The following RUNX3 variants were observed in gnomAD, a reference collection of about 807,000 sequenced individuals.
The protein encoded by RUNX3 is runt-related transcription factor 3.
A neutral mutation model predicts 27.7 loss-of-function variants in RUNX3; 10 were observed. The observed-to-expected ratio is 0.36, with a 90% confidence interval of 0.22 to 0.61. The LOEUF is 0.61. Among genes scored for constraint, RUNX3 ranks in the 20% least tolerant of loss-of-function variants. The probability of loss-of-function intolerance (pLI) is 0.72; values close to 1 mark genes in which losing one functional copy is unlikely to be tolerated. For synonymous variants in RUNX3, 270 were observed against 269.2 expected, an observed-to-expected ratio of 1.00 and a Z score of -0.03; for missense variants, 469 against 629.5, an observed-to-expected ratio of 0.75 and a Z score of 2.73.
At chr1:24,922,684 TC>T (rs1641021788) in intron 2 of RUNX3, among the ~76,000 whole-genome samples, 1 of 151,954 alleles carries the variant, frequency 6.6e-6, no homozygotes, top group Non-Finnish European at 1.5e-5. Context: ...AGAAATGGTT[TC>T]TATTGTAATA....
Position 24,927,861 on chromosome 1 carries a change from G to A in RUNX3, c.283-131C>T, listed in dbSNP as rs1641129876. ...GCACACTGAGTATTTCTCCAATGCA[G>A]GGTGGAGAAGAGGCTTAAAAACAAT... On this transcript the variant is annotated intron_variant, in intron 1 of 4. Transcript: ENST00000308873. This position sits in a 1 kb window ranked among gnomAD's most constrained non-coding sequence, Gnocchi z 5.0. The A allele has an allele frequency of 2.8e-5, 20 of 726,092 alleles. No homozygotes were observed. The South Asian group carries it at 3.7e-4, about 13-fold the overall frequency. The allele number at this position is 726,092 out of a possible 1,614,324, so 45.0% of individuals were successfully genotyped here. A position where few individuals can be genotyped will look rare whatever the true frequency, so the allele number is the denominator to read the frequency against.
intron 2 of RUNX3, among the ~76,000 whole-genome samples, chr1:24,961,166 G>A (rs1047358435): frequency 3.3e-5 from 5 of 152,058 alleles, no homozygotes; most frequent in Non-Finnish European, 7.4e-5. Flanking sequence ...GAGAGGGGAG[G>A]GCTGGGTGGG....
At chr1:24,954,089 C>T (rs1254484480) in intron 2 of RUNX3, among the ~76,000 whole-genome samples, 1 of 152,206 alleles carries the variant, frequency 6.6e-6, no homozygotes, top group South Asian at 2.1e-4. Context: ...TATTGATATT[C>T]TTGTTGAGGT....
In RUNX3 at chr1:24,908,189, G is replaced by A. The variant is rs962521739; in HGVS notation, c.545-772C>T. On this transcript the variant is annotated intron_variant, in intron 3 of 4. Transcript: ENST00000308873. The stretch of plus-strand genomic sequence containing the variant: ...GCGGTGATCCGAAGCTCTACGACAC[G>A]CGGTGATCCGAACCTCTACGACACG... 1.5e-4 allele frequency among the ~76,000 whole-genome samples: 21 copies of A among 140,466 alleles called. 1 individual carries two copies. The highest frequency in any genetic ancestry group is 5.7e-5 in the African/African-American group (2 of 35,266). The allele number at this position is 140,466 out of a possible 152,430, so 92.2% of individuals were successfully genotyped here.
intron 2 of RUNX3, among the ~76,000 whole-genome samples, chr1:24,951,215 A>AAAAAT (rs1553207416): frequency 2.0e-5 from 3 of 150,760 alleles, no homozygotes; most frequent in African/African-American, 7.3e-5. Context: ...AAAAAAAAAA[A>AAAAAT]AAAAAAAATA....
rs1284055403 is a variant in RUNX3 at position 24,916,190 on chromosome 1, A to G, written c.544+3050T>C. On this transcript the variant is annotated intron_variant, in intron 3 of 4. Transcript: ENST00000308873. The surrounding 1 kb of genome is among the most constrained non-coding windows in gnomAD (Gnocchi z 4.8). ...AGAGGGTCGGAGGTGGCAAAACAGG[A>G]AAAAAGCCGGGAAAGGAAGTCCAGG... Among the ~76,000 whole-genome samples, 1 of 152,222 alleles carries G rather than the reference A, an allele frequency of 6.6e-6. No individual in the cohort carries two copies. The highest frequency in any genetic ancestry group is 6.5e-5 in the Admixed American group (1 of 15,286).
At position 24,904,220 on chromosome 1, in the gene RUNX3, G is replaced by A. The variant is rs1557835208; in HGVS notation, c.704-1554C>T. On this transcript the variant is annotated intron_variant, in intron 4 of 4. Transcript: ENST00000308873. The surrounding 1 kb of genome is among the most constrained non-coding windows in gnomAD (Gnocchi z 5.7). The stretch of plus-strand genomic sequence containing the variant: ...CGGAGTGGGCTCTGCCTGCCACGCC[G>A]AGGCTTGGCTGAGGACGGAGAGCTA... Among the ~76,000 whole-genome samples the A allele has an allele frequency of 6.6e-6, 1 of 152,198 alleles. No individual in the cohort carries two copies. The highest frequency in any genetic ancestry group is 1.5e-5 in the Non-Finnish European group (1 of 68,032).
intron 2 of RUNX3, among the ~76,000 whole-genome samples, chr1:24,926,012 T>G (rs910721153): frequency 3.3e-5 from 5 of 152,182 alleles, no homozygotes; most frequent in Non-Finnish European, 5.9e-5. Context: ...GTCTCTTCTC[T>G]TTCTCTCGCT....
intron 2 of RUNX3, among the ~76,000 whole-genome samples, chr1:24,921,453 G>A (rs534932682): frequency 3.9e-5 from 6 of 152,284 alleles, no homozygotes; most frequent in Admixed American, 1.3e-4. Flanking sequence ...TAAGCCAGTC[G>A]GCTGAGGCAG....
chr1:24,929,002 G>C lies in RUNX3; in HGVS notation c.282+585C>G, dbSNP rs765088869. The stretch of plus-strand genomic sequence containing the variant: ...AGAAAAAGGTCCTCTAAATGGCTGG[G>C]GGCTGCCAGGGTTAGGGGTCCCCCA... On this transcript the variant is annotated intron_variant, in intron 1 of 4. Coordinates refer to ENST00000308873, the MANE Select transcript of RUNX3 (RefSeq NM_004350.3). The C allele has an allele frequency of 8.1e-4, 370 of 456,576 alleles. 2 individuals carry two copies. Among genetic ancestry groups the C allele is most frequent in the Admixed American group, 9.2e-4 (39 of 42,520 alleles). The allele number at this position is 456,576 out of a possible 1,614,324, so 28.3% of individuals were successfully genotyped here. A position where few individuals can be genotyped will look rare whatever the true frequency, so the allele number is the denominator to read the frequency against.
At position 24,919,272 on chromosome 1, in the gene RUNX3, T is replaced by C; in HGVS notation, c.512A>G (p.Lys171Arg). The C allele has an allele frequency of 6.2e-7, 1 of 1,602,352 alleles. No homozygotes were observed. Among genetic ancestry groups the C allele is most frequent in the Non-Finnish European group, 8.5e-7 (1 of 1,175,262 alleles). Residue 171 changes from lysine to arginine, a missense_variant, in exon 3 of 5, where the codon AAG becomes AGG. Around this residue, in one of 3 missense-constraint regions of RUNX3, gnomAD observed 75 missense variants for 168.5 expected, o/e 0.45. Transcript: ENST00000308873. ...CTCCCGGGGTCCGTCCACGGTCACCTTGATGGCTCGGTGGTAGGTCGCCAC... is the reference window on the plus strand; with the variant it reads ...CTCCCGGGGTCCGTCCACGGTCACCCTGATGGCTCGGTGGTAGGTCGCCAC... Reference protein sequence around the residue: ...TQVATYHRAIKVTVDGPREPR... With the variant: ...TQVATYHRAIRVTVDGPREPR...
At chr1:24,960,997 C>T (rs925407657) in intron 2 of RUNX3, among the ~76,000 whole-genome samples, 2 of 152,190 alleles carry the variant, frequency 1.3e-5, no homozygotes, top group Admixed American at 6.5e-5. Flanking sequence ...ACCATCCATG[C>T]ACCAGCCCTG....
intron 2 of RUNX3, among the ~76,000 whole-genome samples, chr1:24,920,435 A>G (rs568728638): frequency 1.2e-4 from 18 of 152,208 alleles, no homozygotes; most frequent in Admixed American, 1.2e-3. Flanking sequence ...AGGCTGCGTC[A>G]CACCCCAGGG....
intron 2 of RUNX3, among the ~76,000 whole-genome samples, chr1:24,925,246 G>A (rs1415719513): frequency 6.6e-6 from 1 of 152,004 alleles, no homozygotes; most frequent in East Asian, 1.9e-4. Flanking sequence ...CAGCGGACCC[G>A]GCACCCTCCT....
intron 2 of RUNX3, among the ~76,000 whole-genome samples, chr1:24,956,463 G>A (rs1315608784): frequency 6.6e-6 from 1 of 152,222 alleles, no homozygotes; most frequent in East Asian, 1.9e-4. Context: ...GCTCTCAGAG[G>A]TGGCTTTCTC....
chr1:24,932,466 A>G (rs1383467685), upstream of RUNX3, among the ~76,000 whole-genome samples: 2 of 152,014 alleles, frequency 1.3e-5, no homozygotes, highest in Non-Finnish European at 2.9e-5. Flanking sequence ...GCCGGGCTAC[A>G]GATGCGCGCC....
intron 2 of RUNX3, among the ~76,000 whole-genome samples, chr1:24,955,942 C>G (rs1316202986): frequency 6.6e-6 from 1 of 152,252 alleles, no homozygotes; most frequent in Admixed American, 6.5e-5. Context: ...CCAATTCGCC[C>G]ACCTCACATC....
chr1:24,927,493 C>T lies in RUNX3; in HGVS notation c.439+81G>A. On this transcript the variant is annotated intron_variant, in intron 2 of 4. Coordinates refer to ENST00000308873, the MANE Select transcript of RUNX3 (RefSeq NM_004350.3). This position sits in a 1 kb window ranked among gnomAD's most constrained non-coding sequence, Gnocchi z 5.0. ...ATCTGGAGACCTGTTTTTCGGGATT[C>T]TAAGGCCCCTCTTTCAACCTCCTTC... is the stretch of plus-strand genomic sequence containing the variant. 1.4e-6 allele frequency: 2 copies of T among 1,423,582 alleles called. No homozygotes were observed. Among genetic ancestry groups the T allele is most frequent in the African/African-American group, 1.4e-5 (1 of 71,172 alleles). 88.2% of individuals were successfully genotyped at this position (1,423,582 alleles called of 1,614,324 possible).
At chr1:24,957,149 C>G (rs564811270) in intron 2 of RUNX3, among the ~76,000 whole-genome samples, 1 of 152,216 alleles carries the variant, frequency 6.6e-6, no homozygotes, top group Non-Finnish European at 1.5e-5. Context: ...GCCAAAAACA[C>G]TTTTCCCAGA....
Sources: gnomAD v4.1 joint callset for allele counts (sites outside exome capture counted in the v4.1 genomes callset) on GRCh38, gnomAD v4.1.1 for gene constraint, gnomAD v4.1.1 regional missense constraint, Gnocchi (gnomAD v3.1) non-coding constraint, MANE v1.5 for transcripts, NCBI Gene and HGNC (gene_info 2026-07-23, HGNC 2026-07-21) for gene names.